Variants in NOL9 observed in about 807,000 individuals in gnomAD.
NOL9 encodes nucleolar protein 9.
Under a neutral mutation model 67.9 loss-of-function variants are expected in NOL9, and 28 were observed. The ratio of observed to expected loss-of-function variants is 0.41; its 90% CI spans 0.31 to 0.57. The LOEUF (loss-of-function observed/expected upper bound fraction) is 0.57. NOL9 is among the 20% of genes least tolerant of loss of function. The pLI, the probability that NOL9 is intolerant of heterozygous loss-of-function variation, is 0.25. For missense variants in NOL9, 777 were observed against 897.0 expected, an observed-to-expected ratio of 0.87 and a Z score of 1.71; for synonymous variants, 356 against 352.2, an observed-to-expected ratio of 1.01 and a Z score of -0.12.
intron 3 of NOL9, among the ~76,000 whole-genome samples, chr1:6,548,807 C>T (rs1639476607): frequency 2.0e-5 from 3 of 152,282 alleles, no homozygotes; most frequent in Non-Finnish European, 2.9e-5. Context: ...AAAGGCCAGG[C>T]ATGGTGGCTC....
Position 6,532,086 on chromosome 1 carries a change from G to A in NOL9, c.1536-7C>T, listed in dbSNP as rs773676011. The A allele has an allele frequency of 1.9e-6, 3 of 1,604,062 alleles. No individual in the cohort carries two copies. In the Admixed American group the frequency reaches 5.0e-5, roughly 27 times the overall value. ...AATTTTGTTATGTGACTCTCTGAAA[G>A]GCAAATCACAACAAGGTAAGTAGAC... On this transcript the variant is annotated splice_polypyrimidine_tract_variant and splice_region_variant and intron_variant, in intron 8 of 11. Coordinates refer to ENST00000377705, the MANE Select transcript of NOL9 (RefSeq NM_024654.5).
At position 6,525,985 on chromosome 1, in the gene NOL9, C is replaced by T; in HGVS notation, c.1978G>A (p.Val660Ile). ...TTGTAATCCGTTGTGACATAAGGTA[C>T]TGTCCCTTCGATCCCACGCTGAAAC... is the stretch of plus-strand genomic sequence containing the variant. ...LKCQRGIEGTVPYVTTDYNFK... is the reference protein window; with the variant it reads ...LKCQRGIEGTIPYVTTDYNFK... The change falls in exon 12 of 12, where the codon GTA becomes ATA. Residue 660 changes from valine to isoleucine, a missense_variant. Around this residue, in one of 2 missense-constraint regions of NOL9, gnomAD observed 413 missense variants for 552.6 expected, o/e 0.75. Transcript: ENST00000377705. The T allele has an allele frequency of 6.2e-7, 1 of 1,613,940 alleles. No individual in the cohort carries two copies. The highest frequency in any genetic ancestry group is 8.5e-7 in the Non-Finnish European group (1 of 1,179,858).
intron 3 of NOL9, among the ~76,000 whole-genome samples, chr1:6,546,716 C>T (rs1236128682): frequency 1.3e-5 from 2 of 152,168 alleles, no homozygotes; most frequent in African/African-American, 4.8e-5. Flanking sequence ...CCCCCTTCCT[C>T]TGGATCATTC....
At chr1:6,533,848 C>G (rs987001631) in intron 6 of NOL9, among the ~76,000 whole-genome samples, 1 of 151,506 alleles carries the variant, frequency 6.6e-6, no homozygotes, top group African/African-American at 2.4e-5. Flanking sequence ...AGCAATGACT[C>G]TGTTCTAAGA....
intron 3 of NOL9, chr1:6,548,516 C>A: frequency 3.7e-6 from 1 of 272,782 alleles, no homozygotes; most frequent in Admixed American, 3.6e-5. Context: ...TGGTTCCATG[C>A]GTGCTAAACG....
chr1:6,544,606 T>C (rs1639380488), intron 5 of NOL9, among the ~76,000 whole-genome samples: 2 of 127,906 alleles, frequency 1.6e-5, no homozygotes, highest in East Asian at 2.5e-4. Context: ...GTGTCTCCTC[T>C]TGGAAGTCTG....
chr1:6,543,746 T>G (rs1008237460), intron 5 of NOL9, among the ~76,000 whole-genome samples: 1 of 152,104 alleles, frequency 6.6e-6, no homozygotes, highest in Non-Finnish European at 1.5e-5. Flanking sequence ...GAGGCCAAGG[T>G]AGGAGGATTG....
chr1:6,551,421 C>T (rs1639540643), intron 1 of NOL9, among the ~76,000 whole-genome samples: 1 of 151,088 alleles, frequency 6.6e-6, no homozygotes, highest in Non-Finnish European at 1.5e-5. Context: ...CCCTGCACCC[C>T]ACCCCCGCCA....
intron 9 of NOL9, among the ~76,000 whole-genome samples, chr1:6,529,571 G>C (rs944806469): frequency 1.6e-4 from 24 of 151,622 alleles, no homozygotes; most frequent in African/African-American, 5.3e-4. Context: ...CTGGGTGATA[G>C]AGCAAGACTC....
intron 5 of NOL9, among the ~76,000 whole-genome samples, chr1:6,543,873 C>T (rs1639356343): frequency 6.6e-6 from 1 of 152,116 alleles, no homozygotes; most frequent in African/African-American, 2.4e-5. Context: ...CGCCTGTAAT[C>T]CTAGCACTTT....
intron 5 of NOL9, among the ~76,000 whole-genome samples, chr1:6,544,489 G>A (rs1322172177): frequency 6.6e-6 from 1 of 151,528 alleles, no homozygotes; most frequent in Non-Finnish European, 1.5e-5. Flanking sequence ...CTGCACTCCA[G>A]CCTGAGGGAA....
At chr1:6,554,073 C>A in intron 1 of NOL9, 34 bp downstream of exon 1, 2 of 1,498,058 alleles carry the variant, frequency 1.3e-6, no homozygotes, top group Non-Finnish European at 1.8e-6. Flanking sequence ...GCCCTCCCTG[C>A]CCTCGGGGAC....
chr1:6,541,826 A>G lies in NOL9; in HGVS notation c.1075+4T>C, dbSNP rs1213773340. 1 of 1,554,490 alleles carries G rather than the reference A, an allele frequency of 6.4e-7. No homozygotes were observed. Among genetic ancestry groups the G allele is most frequent in the South Asian group, 1.2e-5 (1 of 84,254 alleles). ...AAGACATTTGAGAAATATGTAATACATACCCAGAACTGGTTCTGTAATATT... is the reference window on the plus strand; with the variant it reads ...AAGACATTTGAGAAATATGTAATACGTACCCAGAACTGGTTCTGTAATATT... On this transcript the variant is annotated splice_donor_region_variant and intron_variant, in intron 6 of 11. Coordinates refer to ENST00000377705, the MANE Select transcript of NOL9 (RefSeq NM_024654.5).
rs1295838360 is a variant in NOL9 at position 6,554,200 on chromosome 1, G to T, written c.303C>A (p.Leu101=). 1 of 1,522,402 alleles carries T rather than the reference G, an allele frequency of 6.6e-7. No homozygotes were observed. The highest frequency in any genetic ancestry group is 1.4e-5 in the African/African-American group (1 of 69,578). 94.3% of individuals were successfully genotyped at this position (1,522,402 alleles called of 1,614,324 possible). ...PASEPESEPE[L]ESASSCHRPL... The stretch of plus-strand genomic sequence containing the variant: ...GCCGGTGGCAACTCGAGGCGGATTC[G>T]AGTTCGGGTTCGGACTCGGGTTCGG... Residue 101 remains leucine (L), a synonymous_variant, in exon 1 of 12, where the codon CTC becomes CTA. Transcript: ENST00000377705.
At chr1:6,541,326 C>T (rs1477144016) in intron 6 of NOL9, among the ~76,000 whole-genome samples, 1 of 152,100 alleles carries the variant, frequency 6.6e-6, no homozygotes, top group Non-Finnish European at 1.5e-5. Context: ...GGACTACAGG[C>T]GTGCACCACC....
At chr1:6,538,501 A>G (rs922646009) in intron 6 of NOL9, among the ~76,000 whole-genome samples, 1 of 152,012 alleles carries the variant, frequency 6.6e-6, no homozygotes, top group Non-Finnish European at 1.5e-5. Flanking sequence ...GTGAAACCCC[A>G]TCTCTACTAA....
chr1:6,549,812 G>A (rs1639503363), intron 2 of NOL9, 114 bp from the exon 3 acceptor site: 3 of 1,288,342 alleles, frequency 2.3e-6, no homozygotes, highest in Admixed American at 2.2e-5. Flanking sequence ...AGGAATTACG[G>A]TTGAGAGCCT....
chr1:6,532,510 C>T lies in NOL9; in HGVS notation c.1488G>A (p.Leu496=), dbSNP rs1282377400. ...ESPVEFTGHK[L]IGVYTDFAFR... ...ATGCAAAGTCTGTATAAACACCTAT[C>T]AGTTTATGTCCAGTGAACTCAACTG... Residue 496 remains leucine, a synonymous_variant, in exon 8 of 12, where the codon CTG becomes CTA. Coordinates refer to ENST00000377705, the MANE Select transcript of NOL9 (RefSeq NM_024654.5). The T allele has an allele frequency of 6.2e-7, 1 of 1,614,152 alleles. No homozygotes were observed. Among genetic ancestry groups the T allele is most frequent in the East Asian group, 2.2e-5 (1 of 44,888 alleles).
At chr1:6,547,973 C>G (rs966236504) in intron 3 of NOL9, 2 of 274,554 alleles carry the variant, frequency 7.3e-6, no homozygotes, top group African/African-American at 4.5e-5. Context: ...TACAATACAC[C>G]GTCATAGGCT....
Sources: allele counts gnomAD v4.1 joint callset (sites outside exome capture counted in the v4.1 genomes callset), GRCh38; gene constraint gnomAD v4.1.1; regional missense constraint gnomAD v4.1.1; transcripts MANE v1.5; gene names NCBI Gene and HGNC (gene_info 2026-07-23, HGNC 2026-07-21).